CCDC171: variants seen among roughly 807,000 people sequenced by gnomAD.
The protein encoded by CCDC171 is coiled-coil domain containing 171, also known as coiled-coil domain-containing protein 171.
Under a neutral mutation model 168.2 loss-of-function variants are expected in CCDC171, and 177 were observed. That is an observed-to-expected ratio of 1.05 (90% CI 0.93 to 1.19). The LOEUF (loss-of-function observed/expected upper bound fraction) is 1.19, where lower values mean the gene tolerates loss of function less well. Among genes scored for constraint, CCDC171 ranks in the 50% most tolerant of loss-of-function variants. The pLI, the probability that CCDC171 is intolerant of heterozygous loss-of-function variation, is 0.00. For missense variants in CCDC171, 1,991 were observed against 1,539.0 expected (o/e 1.29, Z -4.91); for synonymous variants, 687 against 540.8 (o/e 1.27, Z -3.75).
At chr9:15,592,080 T>A (rs1434391086) in intron 5 of CCDC171, among the ~76,000 whole-genome samples, 3 of 152,006 alleles carry the variant, frequency 2.0e-5, no homozygotes, top group Non-Finnish European at 4.4e-5. Flanking sequence ...GATATAAGGT[T>A]GAAGTTGCCA....
chr9:15,961,979 C>G (rs1830386968), intron 25 of CCDC171, among the ~76,000 whole-genome samples: 1 of 151,902 alleles, frequency 6.6e-6, no homozygotes, highest in South Asian at 2.1e-4. Flanking sequence ...GGCCTGTGAG[C>G]TAAGAATGGT....
intron 3 of CCDC171, among the ~76,000 whole-genome samples, chr9:15,996,600 A>T (rs1223708740): frequency 6.6e-6 from 1 of 151,934 alleles, no homozygotes; most frequent in Admixed American, 6.6e-5. Context: ...ATTTTGGATT[A>T]GGAATGCTCA....
chr9:15,822,426 C>T (rs199874129), intron 21 of CCDC171, among the ~76,000 whole-genome samples: 1 of 151,590 alleles, frequency 6.6e-6, no homozygotes, highest in South Asian at 2.1e-4. Context: ...ATTTTTGCAA[C>T]CTACTCATCT....
intron 11 of CCDC171, among the ~76,000 whole-genome samples, chr9:15,713,336 T>C (rs2052823319): frequency 6.6e-6 from 1 of 151,286 alleles, no homozygotes; most frequent in Non-Finnish European, 1.5e-5. Flanking sequence ...TTTCTATTTG[T>C]GAGCTGGTCA....
chr9:15,956,826 G>C (rs10738419), intron 25 of CCDC171, among the ~76,000 whole-genome samples: 51,999 of 151,930 alleles, frequency 0.34, 9,836 homozygotes, highest in East Asian at 0.62. Flanking sequence ...TTGAATGTGC[G>C]TCGACCTTTC....
intron 25 of CCDC171, among the ~76,000 whole-genome samples, chr9:15,968,753 G>C (rs1195700465): frequency 6.6e-6 from 1 of 151,996 alleles, no homozygotes; most frequent in Non-Finnish European, 1.5e-5. Flanking sequence ...TGGCCAGGCT[G>C]GTCTCCAATT....
At chr9:15,871,070 A>G (rs1478554570) in intron 23 of CCDC171, among the ~76,000 whole-genome samples, 1 of 151,556 alleles carries the variant, frequency 6.6e-6, no homozygotes, top group Non-Finnish European at 1.5e-5. Context: ...AAAGCATGTA[A>G]TAAGAAAGGG....
At chr9:16,049,695 C>T (rs937326237) in intron 1 of CCDC171, among the ~76,000 whole-genome samples, 4 of 152,130 alleles carry the variant, frequency 2.6e-5, no homozygotes, top group African/African-American at 9.7e-5. Flanking sequence ...AGCCACACTA[C>T]CAGCATCCCC....
At position 15,569,843 on chromosome 9, in the gene CCDC171, A is replaced by AAAAAC. The variant is rs1563957580; in HGVS notation, c.42-1779_42-1778insAACAA. On this transcript the variant is annotated intron_variant, in intron 2 of 25. Coordinates refer to ENST00000380701, the MANE Select transcript of CCDC171 (RefSeq NM_173550.4). The stretch of plus-strand genomic sequence containing the variant: ...AAAAAACAAAAAACAAAAAACAAAC[A>AAAAAC]AACAAAAAAAAAATTTCTATTTTTC... Among the ~76,000 whole-genome samples, 43 of 65,896 alleles carry AAAAAC rather than the reference A, an allele frequency of 6.5e-4. 1 individual carries two copies. In the East Asian group the frequency reaches 0.016, roughly 24 times the overall value. The allele number at this position is 65,896 out of a possible 152,430, so 43.2% of individuals were successfully genotyped here.
the CCDC171 span, among the ~76,000 whole-genome samples, chr9:16,092,591 G>T: frequency 6.6e-6 from 1 of 152,222 alleles, no homozygotes; most frequent in East Asian, 1.9e-4. Flanking sequence ...CTAGCTTTCT[G>T]CAGAACACTT....
intron 1 of CCDC171, among the ~76,000 whole-genome samples, chr9:16,043,291 T>C (rs967366247): frequency 2.6e-5 from 4 of 152,244 alleles, no homozygotes; most frequent in Non-Finnish European, 5.9e-5. Flanking sequence ...TGTGTGTTAA[T>C]GCCATTAGTG....
intron 18 of CCDC171, among the ~76,000 whole-genome samples, chr9:15,753,227 G>T (rs2055877886): frequency 6.6e-6 from 1 of 152,092 alleles, no homozygotes; most frequent in Non-Finnish European, 1.5e-5. Context: ...GTATAGGGAA[G>T]ACTTCAGGGA....
intron 17 of CCDC171, 101 bp downstream of exon 17, chr9:15,744,878 T>C (rs1588255865): frequency 9.3e-7 from 1 of 1,070,112 alleles, no homozygotes; most frequent in Non-Finnish European, 1.3e-6. Flanking sequence ...AATCATGTAA[T>C]ATGCCAAATA....
intron 20 of CCDC171, among the ~76,000 whole-genome samples, chr9:15,783,356 C>G (rs374723329): frequency 2.0e-5 from 3 of 152,262 alleles, no homozygotes; most frequent in East Asian, 3.9e-4. Flanking sequence ...ACAATAGTTA[C>G]TAGATGCTTA....
the CCDC171 span, among the ~76,000 whole-genome samples, chr9:16,090,601 TA>T: frequency 5.3e-4 from 81 of 152,186 alleles, 1 homozygote; most frequent in South Asian, 0.01. Flanking sequence ...AGTATGGAAA[TA>T]AAAATGAAAG....
Position 15,846,852 on chromosome 9 carries a change from G to A in CCDC171, c.3413+5G>A, listed in dbSNP as rs1383652912. ...TGCCCTCCGCATGGCAGCCAAGTGA[G>A]CATTTGGACCTTGGGGAGATCACTT... is the stretch of plus-strand genomic sequence containing the variant. On this transcript the variant is annotated splice_donor_5th_base_variant and intron_variant, in intron 22 of 25. Transcript: ENST00000380701. The A allele has an allele frequency of 1.9e-6, 3 of 1,600,818 alleles. No homozygotes were observed. Among genetic ancestry groups the A allele is most frequent in the Non-Finnish European group, 8.5e-7 (1 of 1,172,750 alleles).
chr9:15,761,142 C>T (rs1360208952), intron 18 of CCDC171, among the ~76,000 whole-genome samples: 2 of 152,190 alleles, frequency 1.3e-5, no homozygotes, highest in Non-Finnish European at 2.9e-5. Context: ...AGAATGTTAA[C>T]ACATTTTGTC....
chr9:15,687,916 C>G (rs891146902), intron 10 of CCDC171, among the ~76,000 whole-genome samples: 4 of 151,928 alleles, frequency 2.6e-5, no homozygotes, highest in Non-Finnish European at 5.9e-5. Context: ...GTTAGGAGTT[C>G]ACGACCAGCC....
intron 6 of CCDC171, among the ~76,000 whole-genome samples, chr9:15,620,806 G>A (rs527733208): frequency 6.6e-6 from 1 of 152,218 alleles, no homozygotes; most frequent in Non-Finnish European, 1.5e-5. Flanking sequence ...CTTATTTTAA[G>A]AAACTGGCAC....
Sources: allele counts gnomAD v4.1 joint callset (sites outside exome capture counted in the v4.1 genomes callset), GRCh38; gene constraint gnomAD v4.1.1; transcripts MANE v1.5; gene names NCBI Gene and HGNC (gene_info 2026-07-23, HGNC 2026-07-21).